XRN2: variants seen among roughly 807,000 people sequenced by gnomAD.
XRN2 encodes the protein 5'-3' exoribonuclease 2.
In XRN2, 44 loss-of-function variants were observed where a neutral mutation model predicts 138.5. That is an observed-to-expected ratio of 0.32 (90% CI 0.25 to 0.41). The LOEUF is 0.41. Ranked by LOEUF, XRN2 falls within the 10% of genes least tolerant of loss-of-function variation. The probability of loss-of-function intolerance (pLI) is 1.00; values close to 1 mark genes in which losing one functional copy is unlikely to be tolerated. For synonymous variants in XRN2, 354 were observed against 369.4 expected, an observed-to-expected ratio of 0.96 and a Z score of 0.48; for missense variants, 937 against 1,169.3, an observed-to-expected ratio of 0.80 and a Z score of 2.90.
rs1479332019 is a variant in XRN2 at position 21,331,823 on chromosome 20, G to A, written c.700+5G>A. The A allele has an allele frequency of 1.9e-6, 3 of 1,611,534 alleles. No homozygotes were observed. Among genetic ancestry groups the A allele is most frequent in the Non-Finnish European group, 2.5e-6 (3 of 1,179,332 alleles). ...ATTGTTTATGTGGAGCAGATGGTAA[G>A]TTTCTTCTTTGGGATTTGCTTCTTT... On this transcript the variant is annotated splice_donor_5th_base_variant and intron_variant, in intron 8 of 29. Transcript: ENST00000377191.
intron 13 of XRN2, among the ~76,000 whole-genome samples, chr20:21,337,316 A>T (rs2038309557): frequency 1.3e-5 from 2 of 152,192 alleles, no homozygotes; most frequent in South Asian, 4.1e-4. Context: ...GATTCTGAAC[A>T]TGTTTTGAAG....
At chr20:21,351,868 C>T (rs1361486066) in intron 20 of XRN2, among the ~76,000 whole-genome samples, 1 of 152,154 alleles carries the variant, frequency 6.6e-6, no homozygotes, top group East Asian at 1.9e-4. Flanking sequence ...AATAAGTTGG[C>T]ACTCTTTGTT....
intron 3 of XRN2, among the ~76,000 whole-genome samples, 154 bp downstream of exon 3, chr20:21,326,755 T>TG (rs1568572729): frequency 6.6e-6 from 1 of 152,170 alleles, no homozygotes. Flanking sequence ...AGATGTTTTT[T>TG]TGTGTGTGTG....
chr20:21,333,026 A>T (rs2038235511), intron 9 of XRN2, among the ~76,000 whole-genome samples: 1 of 152,146 alleles, frequency 6.6e-6, no homozygotes, highest in African/African-American at 2.4e-5. Context: ...TGAGGGGGGA[A>T]AAAGAATATG....
intron 26 of XRN2, 91 bp downstream of exon 26, chr20:21,365,795 A>T (rs906199405): frequency 5.7e-6 from 3 of 523,896 alleles, no homozygotes; most frequent in Non-Finnish European, 7.7e-6. Context: ...ATATAAATTT[A>T]TGCCATATAT....
chr20:21,384,453 C>T (rs2122368626), intron 28 of XRN2, among the ~76,000 whole-genome samples: 1 of 152,246 alleles, frequency 6.6e-6, no homozygotes, highest in East Asian at 1.9e-4. Context: ...TCTACGATGC[C>T]AAATGGCTCA....
At chr20:21,345,265 A>AATTGTTTAATCCTAGAGGAAATC (rs1343860014) in intron 16 of XRN2, among the ~76,000 whole-genome samples, 2 of 152,194 alleles carry the variant, frequency 1.3e-5, no homozygotes, top group Non-Finnish European at 2.9e-5. Flanking sequence ...TCCTAGAGGA[A>AATTGTTTAATCCTAGAGGAAATC]ATTGTTTAAT....
chr20:21,383,228 A>G (rs6047418), intron 28 of XRN2, among the ~76,000 whole-genome samples: 115,427 of 152,154 alleles, frequency 0.76, 44,146 homozygotes, highest in East Asian at 0.98. Context: ...TTCTGAAAGC[A>G]CACAGTATGT....
intron 27 of XRN2, among the ~76,000 whole-genome samples, chr20:21,375,038 T>G (rs6082398): frequency 7.2e-5 from 7 of 97,200 alleles, no homozygotes; most frequent in Admixed American, 1.2e-4. Context: ...TTTTTTTTGG[T>G]GGGAATGTGC....
chr20:21,334,146 A>G lies in XRN2; in HGVS notation c.1194A>G (p.Glu398=). 1 of 1,613,938 alleles carries G rather than the reference A, an allele frequency of 6.2e-7. No homozygotes were observed. Among genetic ancestry groups the G allele is most frequent in the Non-Finnish European group, 8.5e-7 (1 of 1,179,920 alleles). ...RVQMIMLAVG[E]VEDSIFKKRK... Reference sequence around the variant, plus strand: ...AGATGATCATGTTAGCAGTTGGTGAAGTTGAGGATAGCATTTTTAAAAAGA... The same window carrying G: ...AGATGATCATGTTAGCAGTTGGTGAGGTTGAGGATAGCATTTTTAAAAAGA... Residue 398 remains glutamate, a synonymous_variant, in exon 13 of 30, where the codon GAA becomes GAG. Coordinates refer to ENST00000377191, the MANE Select transcript of XRN2 (RefSeq NM_012255.5).
At chr20:21,381,919 A>C (rs2038889631) in intron 27 of XRN2, 75 bp from the exon 28 acceptor site, 3 of 1,230,698 alleles carry the variant, frequency 2.4e-6, no homozygotes. Flanking sequence ...AAGAACTTTT[A>C]ATTATAAAAT....
At chr20:21,375,549 C>T (rs1409776850) in intron 27 of XRN2, among the ~76,000 whole-genome samples, 1 of 151,040 alleles carries the variant, frequency 6.6e-6, no homozygotes, top group Non-Finnish European at 1.5e-5. Flanking sequence ...TTATTATGTA[C>T]CCATGGATTA....
At chr20:21,363,480 A>G (rs2038660668) in intron 24 of XRN2, among the ~76,000 whole-genome samples, 1 of 152,222 alleles carries the variant, frequency 6.6e-6, no homozygotes, top group South Asian at 2.1e-4. Flanking sequence ...TTAAACCTTT[A>G]TCACTGCCTG....
intron 11 of XRN2, 24 bp from the exon 12 acceptor site, chr20:21,333,913 A>G: frequency 1.2e-6 from 2 of 1,614,130 alleles, no homozygotes; most frequent in Non-Finnish European, 1.7e-6. Context: ...GTCCTAATGC[A>G]TAATGTTTGT....
chr20:21,310,414 A>G (rs546521224), intron 1 of XRN2, among the ~76,000 whole-genome samples: 2 of 151,912 alleles, frequency 1.3e-5, no homozygotes, highest in Admixed American at 1.3e-4. Flanking sequence ...TTTGACTATA[A>G]CTTTTGGATT....
Position 21,305,553 on chromosome 20 carries a change from C to CTTTTTTTTTTTTTT in XRN2, c.75+2090_75+2103dup. Among the ~76,000 whole-genome samples the CTTTTTTTTTTTTTT allele has an allele frequency of 8.1e-4, 16 of 19,840 alleles. 1 individual carries two copies. The highest frequency in any genetic ancestry group is 1.3e-3 in the Non-Finnish European group (9 of 7,158). The allele number at this position is 19,840 out of a possible 152,430, so 13.0% of individuals were successfully genotyped here. ...ACAGGCATGAGCCACCATACGTGGC[C>CTTTTTTTTTTTTTT]TTTTTTTTTTTTTTTTTTTTTTTGG... is the stretch of plus-strand genomic sequence containing the variant. On this transcript the variant is annotated intron_variant, in intron 1 of 29. Coordinates refer to ENST00000377191, the MANE Select transcript of XRN2 (RefSeq NM_012255.5).
intron 20 of XRN2, 86 bp downstream of exon 20, chr20:21,349,547 AGCCTGGG>A: frequency 8.8e-7 from 1 of 1,141,724 alleles, no homozygotes; most frequent in Non-Finnish European, 1.3e-6. Flanking sequence ...TAAATATTTT[AGCCTGGG>A]CAACATGGTG....
chr20:21,315,523 A>G (rs571304717), intron 1 of XRN2, among the ~76,000 whole-genome samples: 1 of 151,442 alleles, frequency 6.6e-6, no homozygotes, highest in Non-Finnish European at 1.5e-5. Context: ...ACAGGGTTTC[A>G]CTCTTGTTAC....
At chr20:21,326,764 T>A (rs2038134734) in intron 3 of XRN2, among the ~76,000 whole-genome samples, 163 bp downstream of exon 3, 1 of 152,166 alleles carries the variant, frequency 6.6e-6, no homozygotes, top group South Asian at 2.1e-4. Context: ...TTTGTGTGTG[T>A]GTTTTGTGCT....
Sources: allele counts gnomAD v4.1 joint callset (sites outside exome capture counted in the v4.1 genomes callset), GRCh38; gene constraint gnomAD v4.1.1; transcripts MANE v1.5; gene names NCBI Gene and HGNC (gene_info 2026-07-23, HGNC 2026-07-21).